The following KCNT2 variants were observed in gnomAD, a reference collection of about 807,000 sequenced individuals.
KCNT2 encodes potassium sodium-activated channel subfamily T member 2.
Under a neutral mutation model 153.8 loss-of-function variants are expected in KCNT2, and 67 were observed. The ratio of observed to expected loss-of-function variants is 0.44; its 90% CI spans 0.36 to 0.53. The LOEUF (loss-of-function observed/expected upper bound fraction) is 0.53. KCNT2 is among the 20% of genes least tolerant of loss of function. The pLI is 0.00. For missense variants in KCNT2, 975 were observed against 1,354.8 expected, an observed-to-expected ratio of 0.72 and a Z score of 4.40; for synonymous variants, 500 against 458.8, an observed-to-expected ratio of 1.09 and a Z score of -1.15.
chr1:196,424,161 T>C (rs1191694062), intron 11 of KCNT2, among the ~76,000 whole-genome samples: 1 of 151,884 alleles, frequency 6.6e-6, no homozygotes, highest in Admixed American at 6.6e-5. Flanking sequence ...CTTGTAAATA[T>C]GGTCGCTTTT....
chr1:196,349,773 T>C (rs1388433688), intron 14 of KCNT2, among the ~76,000 whole-genome samples: 1 of 152,082 alleles, frequency 6.6e-6, no homozygotes, highest in African/African-American at 2.4e-5. Flanking sequence ...TAGTTACATA[T>C]GTATACATGT....
intron 14 of KCNT2, among the ~76,000 whole-genome samples, chr1:196,342,637 G>A (rs1051939432): frequency 2.0e-5 from 3 of 151,256 alleles, no homozygotes; most frequent in Non-Finnish European, 2.9e-5. Context: ...TATGGCCAAC[G>A]TTATCTTACC....
Position 196,484,936 on chromosome 1 carries a change from C to T in KCNT2, c.276-2557G>A, listed in dbSNP as rs535104748. ...CAGAAATACCATTTGACCCAGCAATCCCATTACTGGGTATATAACCAAAGG... is the reference window on the plus strand; with the variant it reads ...CAGAAATACCATTTGACCCAGCAATTCCATTACTGGGTATATAACCAAAGG... On this transcript the variant is annotated intron_variant, in intron 3 of 27. Coordinates refer to ENST00000294725, the MANE Select transcript of KCNT2 (RefSeq NM_198503.5). Among the ~76,000 whole-genome samples the T allele has an allele frequency of 1.2e-3, 184 of 152,164 alleles. 1 individual carries two copies. The highest frequency in any genetic ancestry group is 2.0e-3 in the Non-Finnish European group (137 of 67,984).
At chr1:196,604,721 A>G (rs987957291) in intron 1 of KCNT2, among the ~76,000 whole-genome samples, 1 of 151,346 alleles carries the variant, frequency 6.6e-6, no homozygotes, top group African/African-American at 2.4e-5. Context: ...ATATTATAAT[A>G]TATATTATTA....
chr1:196,350,617 G>A (rs149836297), intron 14 of KCNT2, among the ~76,000 whole-genome samples: 3,105 of 152,234 alleles, frequency 0.02, 88 homozygotes, highest in African/African-American at 0.07. Flanking sequence ...TCTGTCAGAT[G>A]AGTAGGCTGC....
chr1:196,425,929 C>A lies in KCNT2; in HGVS notation c.1044G>T (p.Leu348=). 1 of 1,612,186 alleles carries A rather than the reference C, an allele frequency of 6.2e-7. No homozygotes were observed. The highest frequency in any genetic ancestry group is 8.5e-7 in the Non-Finnish European group (1 of 1,178,722). The change falls in exon 11 of 28, where the codon CTG becomes CTT. Residue 348 remains leucine (L), a synonymous_variant. Transcript: ENST00000294725. ...TEMDVQVRRV[L]QIPMWSQRVI... ...CTCGTTGGGACCACATTGGAATCTG[C>A]AGTACCCTTCGAACCTGTACATCCA...
intron 22 of KCNT2, among the ~76,000 whole-genome samples, chr1:196,293,724 A>G (rs1660408900): frequency 6.6e-6 from 1 of 152,196 alleles, no homozygotes; most frequent in African/African-American, 2.4e-5. Context: ...TCAAACTATT[A>G]GAAGAAAACA....
chr1:196,570,150 G>A (rs965824998), intron 1 of KCNT2, among the ~76,000 whole-genome samples: 44 of 149,930 alleles, frequency 2.9e-4, no homozygotes, highest in African/African-American at 1.1e-3. Context: ...AAGGACATTT[G>A]AGACAACACT....
chr1:196,426,904 C>T lies in KCNT2; in HGVS notation c.985-916G>A, dbSNP rs137967005. 2.9e-3 allele frequency among the ~76,000 whole-genome samples: 438 copies of T among 152,054 alleles called. 8 individuals are homozygous for T. The highest frequency in any genetic ancestry group is 9.9e-3 in the East Asian group (51 of 5,138). On this transcript the variant is annotated intron_variant, in intron 10 of 27. Transcript: ENST00000294725. ...CTGCTCTGGCCATGTGAAGACACAC[C>T]TGCTTCCCTTTCGCATTACACGTGA...
chr1:196,548,270 C>A (rs939971616), intron 1 of KCNT2, among the ~76,000 whole-genome samples: 1 of 151,882 alleles, frequency 6.6e-6, no homozygotes, highest in African/African-American at 2.4e-5. Flanking sequence ...ACAAGTGAAT[C>A]TTAAATCCAG....
At chr1:196,546,762 T>C (rs535165059) in intron 1 of KCNT2, among the ~76,000 whole-genome samples, 1 of 151,462 alleles carries the variant, frequency 6.6e-6, no homozygotes, top group African/African-American at 2.4e-5. Flanking sequence ...AATCAGAAAG[T>C]CAAAAAAATC....
intron 12 of KCNT2, among the ~76,000 whole-genome samples, chr1:196,399,860 T>C (rs532348859): frequency 6.6e-6 from 1 of 151,950 alleles, no homozygotes; most frequent in East Asian, 1.9e-4. Context: ...GTAAGGATGT[T>C]GCAAGAAGAC....
intron 1 of KCNT2, among the ~76,000 whole-genome samples, chr1:196,498,243 C>T (rs1213345598): frequency 2.0e-5 from 3 of 152,090 alleles, no homozygotes; most frequent in African/African-American, 7.2e-5. Context: ...AATTCTGATC[C>T]AGGCTGTCAA....
intron 25 of KCNT2, among the ~76,000 whole-genome samples, chr1:196,270,910 C>A (rs1022715592): frequency 1.3e-5 from 2 of 151,824 alleles, no homozygotes; most frequent in Non-Finnish European, 2.9e-5. Flanking sequence ...CACTCAATCA[C>A]CTTCACTATA....
chr1:196,292,624 G>A (rs1489127911), intron 22 of KCNT2, among the ~76,000 whole-genome samples: 2 of 152,030 alleles, frequency 1.3e-5, no homozygotes, highest in Non-Finnish European at 2.9e-5. Flanking sequence ...GGCTAACGCG[G>A]TGAAACCCCG....
intron 14 of KCNT2, among the ~76,000 whole-genome samples, chr1:196,347,269 A>G (rs1666223080): frequency 6.6e-6 from 1 of 152,180 alleles, no homozygotes; most frequent in Non-Finnish European, 1.5e-5. Context: ...TTCAGCTTAC[A>G]GTTCTATCCC....
At chr1:196,524,406 G>A (rs1339949) in intron 1 of KCNT2, among the ~76,000 whole-genome samples, 128,964 of 152,104 alleles carry the variant, frequency 0.85, 55,732 homozygotes, top group East Asian at 0.99. Flanking sequence ...ATCAGGAATT[G>A]TTACCAAAAA....
intron 27 of KCNT2, among the ~76,000 whole-genome samples, chr1:196,234,192 C>T (rs1319712488): frequency 6.6e-6 from 1 of 150,974 alleles, no homozygotes; most frequent in Non-Finnish European, 1.5e-5. Context: ...TATTATATAT[C>T]AATAAACTTA....
intron 8 of KCNT2, among the ~76,000 whole-genome samples, chr1:196,432,573 T>C (rs979795836): frequency 5.9e-5 from 9 of 152,156 alleles, no homozygotes; most frequent in African/African-American, 2.2e-4. Context: ...TTAATGTTTT[T>C]TCCTTGTTGG....
Sources: gnomAD v4.1 joint callset for allele counts (sites outside exome capture counted in the v4.1 genomes callset) on GRCh38, gnomAD v4.1.1 for gene constraint, MANE v1.5 for transcripts, NCBI Gene and HGNC (gene_info 2026-07-23, HGNC 2026-07-21) for gene names.